KIF13B: variants seen among roughly 807,000 people sequenced by gnomAD.
KIF13B encodes the protein kinesin family member 13B.
KIF13B carries 127 observed loss-of-function variants against 222.0 expected under a neutral mutation model. That is an observed-to-expected ratio of 0.57 (90% CI 0.50 to 0.66). The LOEUF (loss-of-function observed/expected upper bound fraction) is 0.66. Among genes scored for constraint, KIF13B ranks in the 30% least tolerant of loss-of-function variants. The pLI is 0.00. For synonymous variants in KIF13B, 976 were observed against 919.0 expected, an observed-to-expected ratio of 1.06 and a Z score of -1.12; for missense variants, 2,173 against 2,379.0, an observed-to-expected ratio of 0.91 and a Z score of 1.80.
chr8:29,100,512 C>T (rs1043812195), intron 35 of KIF13B, among the ~76,000 whole-genome samples: 3 of 151,808 alleles, frequency 2.0e-5, no homozygotes, highest in African/African-American at 4.8e-5. Flanking sequence ...GGCGCAATCT[C>T]GGCTCACCGC....
At chr8:29,081,824 G>A (rs2133505355) in intron 37 of KIF13B, among the ~76,000 whole-genome samples, 2 of 152,296 alleles carry the variant, frequency 1.3e-5, no homozygotes, top group Admixed American at 1.3e-4. Context: ...TTCCTGGTGT[G>A]GTGCCAGGTA....
At chr8:29,106,337 T>TAA (rs531716993) in intron 35 of KIF13B, among the ~76,000 whole-genome samples, 156 of 152,228 alleles carry the variant, frequency 1.0e-3, no homozygotes, top group African/African-American at 3.7e-3. Flanking sequence ...ATCTAGATCT[T>TAA]AAAAGAGTCT....
intron 2 of KIF13B, among the ~76,000 whole-genome samples, chr8:29,222,033 C>T (rs558438318): frequency 1.3e-5 from 2 of 152,228 alleles, no homozygotes; most frequent in South Asian, 4.1e-4. Flanking sequence ...ATTAACCACT[C>T]TATCACTGTT....
intron 2 of KIF13B, among the ~76,000 whole-genome samples, chr8:29,228,472 A>AAAAAAAAAAAAAAAAAAATATATATATAT: frequency 6.0e-5 from 7 of 117,076 alleles, no homozygotes; most frequent in African/African-American, 1.3e-4. Flanking sequence ...ATCTTAAAAA[A>AAAAAAAAAAAAAAAAAAATATATATATAT]ATATATATAT....
Position 29,067,833 on chromosome 8 carries a change from G to A in KIF13B, c.*2671C>T, listed in dbSNP as rs1358143318. 2 of 152,744 alleles carry A rather than the reference G, an allele frequency of 1.3e-5. No individual in the cohort carries two copies. The highest frequency in any genetic ancestry group is 3.8e-4 in the East Asian group (2 of 5,218). 9.5% of individuals were successfully genotyped at this position (152,744 alleles called of 1,614,324 possible). A position where few individuals can be genotyped will look rare whatever the true frequency, so the allele number is the denominator to read the frequency against. On this transcript the variant is annotated 3_prime_UTR_variant, in exon 40 of 40. Transcript: ENST00000524189. ...CAGCTCCGTTCTCTTGTTGAACCTTGGTAGGCCCAGAAACATCTTCCCCCT... is the reference window on the plus strand; with the variant it reads ...CAGCTCCGTTCTCTTGTTGAACCTTAGTAGGCCCAGAAACATCTTCCCCCT...
At chr8:29,260,354 T>C (rs1816635036) in intron 1 of KIF13B, among the ~76,000 whole-genome samples, 2 of 152,220 alleles carry the variant, frequency 1.3e-5, no homozygotes, top group African/African-American at 4.8e-5. Context: ...TATCAGAGTC[T>C]ACACAGTAAA....
At chr8:29,236,594 C>T (rs1815517973) in intron 2 of KIF13B, among the ~76,000 whole-genome samples, 1 of 152,104 alleles carries the variant, frequency 6.6e-6, no homozygotes, top group Admixed American at 6.5e-5. Context: ...CAGGTCAAAA[C>T]ATAAAGATAG....
At chr8:29,073,173 G>A (rs1021105123) in intron 38 of KIF13B, among the ~76,000 whole-genome samples, 3 of 147,518 alleles carry the variant, frequency 2.0e-5, no homozygotes, top group African/African-American at 7.6e-5. Flanking sequence ...ATGAGGAGGG[G>A]ACAAAGGCTC....
At chr8:29,258,230 G>T (rs117235349) in intron 1 of KIF13B, among the ~76,000 whole-genome samples, 2 of 152,054 alleles carry the variant, frequency 1.3e-5, no homozygotes, top group Non-Finnish European at 2.9e-5. Flanking sequence ...AAGCTTCCTC[G>T]CACTTGCTGG....
intron 2 of KIF13B, among the ~76,000 whole-genome samples, chr8:29,228,794 G>A (rs1815155229): frequency 6.6e-6 from 1 of 151,516 alleles, no homozygotes; most frequent in Admixed American, 6.6e-5. Flanking sequence ...CACATCTCCT[G>A]GTGGTGTGAT....
At chr8:29,228,747 A>G (rs1033895042) in intron 2 of KIF13B, among the ~76,000 whole-genome samples, 1 of 152,064 alleles carries the variant, frequency 6.6e-6, no homozygotes, top group Non-Finnish European at 1.5e-5. Context: ...GCTTGCTAAT[A>G]AAGATGCAGC....
At chr8:29,088,030 G>A (rs1033703116) in intron 37 of KIF13B, among the ~76,000 whole-genome samples, 1 of 152,046 alleles carries the variant, frequency 6.6e-6, no homozygotes, top group Non-Finnish European at 1.5e-5. Context: ...CACTTTGGGA[G>A]GCTGACGCAG....
chr8:29,235,125 A>C (rs1307651723), intron 2 of KIF13B, among the ~76,000 whole-genome samples: 9 of 152,210 alleles, frequency 5.9e-5, no homozygotes, highest in Non-Finnish European at 1.5e-5. Flanking sequence ...TAGATCACAA[A>C]GAAACATCAA....
chr8:29,246,332 G>A (rs775266228), intron 1 of KIF13B, among the ~76,000 whole-genome samples: 6 of 151,736 alleles, frequency 4.0e-5, no homozygotes, highest in East Asian at 1.9e-4. Flanking sequence ...AGCTGAGATC[G>A]TGCCACTGCA....
chr8:29,118,781 C>A lies in KIF13B; in HGVS notation c.3660+87G>T, dbSNP rs536853003. 1.7e-5 allele frequency: 23 copies of A among 1,342,484 alleles called. No homozygotes were observed. In the African/African-American group the frequency reaches 3.2e-4, roughly 19 times the overall value. 83.2% of individuals were successfully genotyped at this position (1,342,484 alleles called of 1,614,324 possible). On this transcript the variant is annotated intron_variant, in intron 30 of 39. Coordinates refer to ENST00000524189, the MANE Select transcript of KIF13B (RefSeq NM_015254.4). ...TATTTTGAGAAATGTAAAGTACTGG[C>A]ATGATTGCCTTATTGTTTCAAAAAG...
intron 14 of KIF13B, among the ~76,000 whole-genome samples, chr8:29,153,754 A>T (rs1474502641): frequency 6.6e-6 from 1 of 151,488 alleles, no homozygotes; most frequent in African/African-American, 2.4e-5. Context: ...CCAGGCTTCT[A>T]TCAGTCCTAC....
intron 36 of KIF13B, among the ~76,000 whole-genome samples, chr8:29,097,680 T>C (rs1006543726): frequency 1.3e-5 from 2 of 151,938 alleles, no homozygotes; most frequent in African/African-American, 4.8e-5. Context: ...AGAATGAAAA[T>C]GAAAGCACAA....
chr8:29,136,184 C>T (rs1187420209), intron 21 of KIF13B, among the ~76,000 whole-genome samples: 1 of 152,144 alleles, frequency 6.6e-6, no homozygotes, highest in Admixed American at 6.5e-5. Context: ...TAAAAACCAT[C>T]ATTTTCTCAT....
intron 1 of KIF13B, among the ~76,000 whole-genome samples, chr8:29,247,571 G>A (rs1366917291): frequency 6.6e-6 from 1 of 152,168 alleles, no homozygotes; most frequent in East Asian, 1.9e-4. Context: ...GCTCACGCCT[G>A]TAATCCCAAG....
Sources: gnomAD v4.1 joint callset for allele counts (sites outside exome capture counted in the v4.1 genomes callset) on GRCh38, gnomAD v4.1.1 for gene constraint, MANE v1.5 for transcripts, NCBI Gene and HGNC (gene_info 2026-07-23, HGNC 2026-07-21) for gene names.